EIF4G3: variants seen among roughly 807,000 people sequenced by gnomAD.
EIF4G3 encodes the protein eIF-4-gamma 3.
In EIF4G3, 34 loss-of-function variants were observed where a neutral mutation model predicts 186.4. The ratio of observed to expected loss-of-function variants is 0.18; its 90% CI spans 0.14 to 0.24. The LOEUF is 0.24. Ranked by LOEUF, EIF4G3 falls within the 10% of genes least tolerant of loss-of-function variation. The pLI, the probability that EIF4G3 is intolerant of heterozygous loss-of-function variation, is 1.00. For synonymous variants in EIF4G3, 673 were observed against 679.5 expected (o/e 0.99, Z 0.15); for missense variants, 1,536 against 1,948.5 (o/e 0.79, Z 3.99).
intron 2 of EIF4G3, among the ~76,000 whole-genome samples, chr1:21,111,026 G>A (rs2096716750): frequency 1.3e-5 from 2 of 152,184 alleles, no homozygotes; most frequent in South Asian, 4.1e-4. Flanking sequence ...GTTCATCTAA[G>A]ACTGTACTTT....
chr1:21,036,397 G>GACAAGAACTCA (rs1557643804), intron 4 of EIF4G3, among the ~76,000 whole-genome samples: 2 of 152,128 alleles, frequency 1.3e-5, no homozygotes, highest in Non-Finnish European at 2.9e-5. Flanking sequence ...CTCAGGCAAA[G>GACAAGAACTCA]GTGCCACAGG....
chr1:20,989,081 G>GGGAGGGAAGGGGAGGGGAGAGGAGA (rs1553394543), intron 7 of EIF4G3, among the ~76,000 whole-genome samples: 2 of 36,908 alleles, frequency 5.4e-5, no homozygotes, highest in Non-Finnish European at 6.2e-5. Flanking sequence ...GGGAGGGGAG[G>GGGAGGGAAGGGGAGGGGAGAGGAGA]GGAGAGGAGA....
intron 33 of EIF4G3, among the ~76,000 whole-genome samples, chr1:20,822,044 A>G (rs1007380903): frequency 4.0e-5 from 6 of 151,772 alleles, no homozygotes; most frequent in East Asian, 1.9e-4. Flanking sequence ...CACCTGGCTA[A>G]TTTTTGTATT....
chr1:20,962,912 T>TG (rs1335212728), intron 12 of EIF4G3, among the ~76,000 whole-genome samples: 127 of 150,142 alleles, frequency 8.5e-4, no homozygotes, highest in African/African-American at 3.0e-3. Context: ...AGTTTTGTTT[T>TG]TTTTTTGTTT....
chr1:20,958,075 A>C (rs1573516640), intron 12 of EIF4G3, among the ~76,000 whole-genome samples: 1 of 152,180 alleles, frequency 6.6e-6, no homozygotes. Flanking sequence ...CTGATACCTA[A>C]ACCAGGAAAG....
intron 7 of EIF4G3, chr1:20,988,191 T>A (rs898439399): frequency 6.1e-6 from 1 of 165,034 alleles, no homozygotes; most frequent in African/African-American, 2.4e-5. Context: ...GCTGTCTCCA[T>A]AACATGAAAG....
intron 14 of EIF4G3, among the ~76,000 whole-genome samples, chr1:20,918,984 T>C (rs1273752335): frequency 6.6e-6 from 1 of 152,220 alleles, no homozygotes; most frequent in Non-Finnish European, 1.5e-5. Flanking sequence ...ACTAATAGCT[T>C]AAATGGGCTA....
chr1:21,098,850 T>C (rs1247878842), intron 2 of EIF4G3, among the ~76,000 whole-genome samples: 2 of 152,132 alleles, frequency 1.3e-5, no homozygotes, highest in African/African-American at 4.8e-5. Flanking sequence ...TTGCCCAGGC[T>C]GGTCCCAAAC....
At chr1:20,884,983 T>A (rs999021682) in intron 19 of EIF4G3, among the ~76,000 whole-genome samples, 25 of 152,246 alleles carry the variant, frequency 1.6e-4, no homozygotes, top group African/African-American at 5.8e-4. Flanking sequence ...CCTCAGATCA[T>A]CAGGTATTAG....
intron 10 of EIF4G3, among the ~76,000 whole-genome samples, chr1:20,976,281 T>C (rs6680486): frequency 0.33 from 50,536 of 151,428 alleles, 9,193 homozygotes; most frequent in Non-Finnish European, 0.41. Context: ...ACCCATCAAC[T>C]CGTCATTTAA....
At chr1:21,147,080 C>T (rs1161599154) in intron 2 of EIF4G3, among the ~76,000 whole-genome samples, 1 of 151,564 alleles carries the variant, frequency 6.6e-6, no homozygotes, top group Non-Finnish European at 1.5e-5. Flanking sequence ...GGCCAACATA[C>T]TGAAACCCCA....
chr1:20,864,863 A>G (rs2077209677), intron 21 of EIF4G3, 151 bp from the exon 22 acceptor site: 9 of 853,424 alleles, frequency 1.1e-5, no homozygotes, highest in Non-Finnish European at 1.4e-5. Flanking sequence ...CATCCATTTC[A>G]GATTTTTGGA....
At chr1:21,023,652 G>A (rs1203195405) in intron 4 of EIF4G3, among the ~76,000 whole-genome samples, 4 of 152,084 alleles carry the variant, frequency 2.6e-5, no homozygotes, top group Admixed American at 6.5e-5. Context: ...CCAAAGTGCC[G>A]AGATTGCAGC....
chr1:20,864,852 C>T, intron 21 of EIF4G3, 140 bp from the exon 22 acceptor site: 2 of 866,276 alleles, frequency 2.3e-6, no homozygotes, highest in Admixed American at 2.7e-5. Context: ...TGAACTATAC[C>T]CATCCATTTC....
In EIF4G3 at chr1:20,807,506, A is replaced by C. The variant is rs2058265497; in HGVS notation, c.4745-6T>G. On this transcript the variant is annotated splice_polypyrimidine_tract_variant and splice_region_variant and intron_variant, in intron 36 of 36. Coordinates refer to ENST00000602326, the MANE Select transcript of EIF4G3 (RefSeq NM_001391906.1). ...AAAAAACATCCGCAGCAAATCTGCAAGGAGGTGAAAATAAACTATAAGCTT... is the reference window on the plus strand; with the variant it reads ...AAAAAACATCCGCAGCAAATCTGCACGGAGGTGAAAATAAACTATAAGCTT... 6.3e-7 allele frequency: 1 copy of C among 1,577,320 alleles called. No individual in the cohort carries two copies. The highest frequency in any genetic ancestry group is 1.7e-5 in the Admixed American group (1 of 57,352).
chr1:21,154,397 TTG>T (rs1056780832), intron 2 of EIF4G3, among the ~76,000 whole-genome samples: 4 of 152,184 alleles, frequency 2.6e-5, no homozygotes, highest in African/African-American at 9.7e-5. Flanking sequence ...CTAACCTTTT[TTG>T]TGAGAGCCAG....
At position 20,908,815 on chromosome 1, in the gene EIF4G3, C is replaced by T. The variant is rs982874162; in HGVS notation, c.1664-3844G>A. On this transcript the variant is annotated intron_variant, in intron 14 of 36. Transcript: ENST00000602326. ...AACTTACCGGTTTTTATAAAACCCA[C>T]ATGTGTTTTTAAAAATAGTTTTCCC... 1.6e-4 allele frequency among the ~76,000 whole-genome samples: 24 copies of T among 152,030 alleles called. 1 individual carries two copies. The highest frequency in any genetic ancestry group is 1.6e-3 in the Admixed American group (24 of 15,250).
At chr1:21,131,645 T>G (rs1291652996) in intron 2 of EIF4G3, among the ~76,000 whole-genome samples, 4 of 152,132 alleles carry the variant, frequency 2.6e-5, no homozygotes, top group Non-Finnish European at 5.9e-5. Context: ...GCAGACCTTG[T>G]GAGAAGCAAT....
At chr1:21,050,730 G>A in intron 4 of EIF4G3, 136 bp downstream of exon 4, 1 of 578,338 alleles carries the variant, frequency 1.7e-6, no homozygotes. Context: ...GGTTAAGTCT[G>A]AAAAGATGCC....
Sources: allele counts gnomAD v4.1 joint callset (sites outside exome capture counted in the v4.1 genomes callset), GRCh38; gene constraint gnomAD v4.1.1; transcripts MANE v1.5; gene names NCBI Gene and HGNC (gene_info 2026-07-23, HGNC 2026-07-21).